Variants in SCHIP1 observed in about 807,000 individuals in gnomAD.
SCHIP1 encodes schwannomin interacting protein 1, also known as schwannomin-interacting protein 1.
SCHIP1 carries 8 observed loss-of-function variants against 29.7 expected under a neutral mutation model. The observed-to-expected ratio is 0.27, with a 90% CI of 0.16 to 0.49. The LOEUF (loss-of-function observed/expected upper bound fraction) is 0.49. Ranked by LOEUF, SCHIP1 falls within the 20% of genes least tolerant of loss-of-function variation. SCHIP1 has a pLI of 0.99. For synonymous variants in SCHIP1, 76 were observed against 94.9 expected (o/e 0.80, Z 1.16); for missense variants, 193 against 294.6 (o/e 0.66, Z 2.52).
chr3:159,892,359 T>A, intron 6 of SCHIP1, 169 bp downstream of exon 7: 1 of 719,872 alleles, frequency 1.4e-6, no homozygotes, highest in Non-Finnish European at 2.3e-6. Flanking sequence ...AATTCCATTG[T>A]CCTTACCAAA....
At chr3:159,554,621 C>T in the SCHIP1 span, among the ~76,000 whole-genome samples, 12 of 152,106 alleles carry the variant, frequency 7.9e-5, no homozygotes, top group Admixed American at 7.9e-4. Context: ...CAGCTTCTTC[C>T]CTCCGTGGCT....
chr3:159,545,272 G>A, the SCHIP1 span, among the ~76,000 whole-genome samples: 3 of 152,034 alleles, frequency 2.0e-5, no homozygotes, highest in East Asian at 1.9e-4. Flanking sequence ...GTTGCCAGAG[G>A]AGATTAACAT....
chr3:159,543,033 G>GTA, the SCHIP1 span, among the ~76,000 whole-genome samples: 2,262 of 150,014 alleles, frequency 0.015, 71 homozygotes, highest in African/African-American at 0.052. Context: ...GTGTGTATGT[G>GTA]TATATATATA....
the SCHIP1 span, among the ~76,000 whole-genome samples, chr3:159,692,070 G>A: frequency 4.3e-5 from 6 of 138,218 alleles, no homozygotes; most frequent in Admixed American, 8.0e-5. Context: ...CGCCCAGGCC[G>A]GACTGCGGAC....
chr3:159,789,627 A>C, the SCHIP1 span, among the ~76,000 whole-genome samples: 2 of 152,134 alleles, frequency 1.3e-5, no homozygotes, highest in Non-Finnish European at 2.9e-5. Context: ...GGGCCCCAAA[A>C]TTTGTATTTC....
the SCHIP1 span, among the ~76,000 whole-genome samples, chr3:159,356,831 A>G: frequency 3.9e-5 from 6 of 152,232 alleles, no homozygotes; most frequent in African/African-American, 1.2e-4. Flanking sequence ...CTTTCATTAT[A>G]GCAGAAACAT....
the SCHIP1 span, among the ~76,000 whole-genome samples, chr3:159,746,238 C>T: frequency 6.6e-6 from 1 of 152,200 alleles, no homozygotes; most frequent in Non-Finnish European, 1.5e-5. Flanking sequence ...CCTTCTCTAC[C>T]TCATCCTATC....
At chr3:159,777,615 A>G in the SCHIP1 span, among the ~76,000 whole-genome samples, 1 of 152,092 alleles carries the variant, frequency 6.6e-6, no homozygotes, top group African/African-American at 2.4e-5. Context: ...ATTATTTATT[A>G]ATAATAAAAA....
chr3:159,300,878 A>G, the SCHIP1 span, among the ~76,000 whole-genome samples: 1 of 152,136 alleles, frequency 6.6e-6, no homozygotes, highest in Admixed American at 6.6e-5. Flanking sequence ...CCTCCTCCTT[A>G]AAGTTTTTGC....
At chr3:159,678,019 A>G in the SCHIP1 span, among the ~76,000 whole-genome samples, 2 of 152,228 alleles carry the variant, frequency 1.3e-5, no homozygotes, top group African/African-American at 2.4e-5. Context: ...CATCTTCAAA[A>G]GAACCTTTAT....
the SCHIP1 span, among the ~76,000 whole-genome samples, chr3:159,564,472 G>A: frequency 1.3e-5 from 2 of 151,974 alleles, no homozygotes; most frequent in South Asian, 2.1e-4. Context: ...TGCCTCCCGA[G>A]TTCAAGTGAT....
the SCHIP1 span, among the ~76,000 whole-genome samples, chr3:159,779,857 T>G: frequency 1.3e-5 from 2 of 152,204 alleles, no homozygotes; most frequent in African/African-American, 4.8e-5. Flanking sequence ...TGGACCACAG[T>G]AATTTGAATA....
At chr3:159,577,450 A>G in the SCHIP1 span, among the ~76,000 whole-genome samples, 2 of 152,220 alleles carry the variant, frequency 1.3e-5, no homozygotes, top group South Asian at 4.1e-4. Flanking sequence ...TGAATATCAC[A>G]AAATTCCAGA....
chr3:159,544,325 A>G, the SCHIP1 span, among the ~76,000 whole-genome samples: 1 of 152,068 alleles, frequency 6.6e-6, no homozygotes. Context: ...GTGTTAGGGT[A>G]TCATGAACAA....
chr3:159,572,393 A>T, the SCHIP1 span, among the ~76,000 whole-genome samples: 1 of 152,212 alleles, frequency 6.6e-6, no homozygotes, highest in African/African-American at 2.4e-5. Context: ...GTCGTCATTC[A>T]GGAGCAAGTT....
the SCHIP1 span, among the ~76,000 whole-genome samples, chr3:159,593,168 G>A: frequency 2.6e-5 from 4 of 152,254 alleles, no homozygotes; most frequent in African/African-American, 9.6e-5. Context: ...CTGGCACTTA[G>A]TAAATATTTA....
At chr3:159,625,384 G>A in the SCHIP1 span, among the ~76,000 whole-genome samples, 2 of 152,128 alleles carry the variant, frequency 1.3e-5, no homozygotes, top group South Asian at 2.1e-4. Context: ...TTTGGTCTGA[G>A]AGTCACCCTT....
chr3:159,810,253 G>C, the SCHIP1 span, among the ~76,000 whole-genome samples: 1 of 151,976 alleles, frequency 6.6e-6, no homozygotes, highest in African/African-American at 2.4e-5. Flanking sequence ...CACTATGTTG[G>C]CCAGGCTAGT....
chr3:159,816,483 C>T, the SCHIP1 span, among the ~76,000 whole-genome samples: 1 of 151,230 alleles, frequency 6.6e-6, no homozygotes, highest in Non-Finnish European at 1.5e-5. Flanking sequence ...CTTTGTTGCC[C>T]AGGCTGGTCT....
Sources: gnomAD v4.1 joint callset for allele counts (sites outside exome capture counted in the v4.1 genomes callset) on GRCh38, gnomAD v4.1.1 for gene constraint, MANE v1.5 for transcripts, NCBI Gene and HGNC (gene_info 2026-07-23, HGNC 2026-07-21) for gene names.